The following CAMTA1 variants were observed in gnomAD, a reference collection of about 807,000 sequenced individuals.
The protein encoded by CAMTA1 is calmodulin-binding transcription activator 1.
CAMTA1 carries 27 observed loss-of-function variants against 170.9 expected under a neutral mutation model. The ratio of observed to expected loss-of-function variants is 0.16; its 90% CI spans 0.12 to 0.22. The LOEUF is 0.22. Ranked by LOEUF, CAMTA1 falls within the 10% of genes least tolerant of loss-of-function variation. The pLI is 1.00. For missense variants in CAMTA1, 1,619 were observed against 2,217.2 expected, an observed-to-expected ratio of 0.73 and a Z score of 5.42; for synonymous variants, 833 against 891.5, an observed-to-expected ratio of 0.93 and a Z score of 1.17.
intron 11 of CAMTA1, among the ~76,000 whole-genome samples, chr1:7,702,655 T>C (rs2096454275): frequency 6.6e-6 from 1 of 152,236 alleles, no homozygotes; most frequent in Non-Finnish European, 1.5e-5. Flanking sequence ...AGGGCTGTCC[T>C]GCTCTTAGTG....
intron 6 of CAMTA1, among the ~76,000 whole-genome samples, chr1:7,577,068 CAGT>C (rs1289123918): frequency 6.6e-6 from 1 of 152,216 alleles, no homozygotes; most frequent in Admixed American, 6.5e-5. Context: ...CCAAGGGACT[CAGT>C]AGCCTGGGCT....
intron 3 of CAMTA1, among the ~76,000 whole-genome samples, chr1:6,898,170 A>T (rs1247473452): frequency 1.3e-5 from 2 of 152,206 alleles, no homozygotes; most frequent in Non-Finnish European, 2.9e-5. Flanking sequence ...TTAAAATTGT[A>T]ATGTGTCCTG....
intron 12 of CAMTA1, among the ~76,000 whole-genome samples, chr1:7,735,798 G>T (rs2096767860): frequency 6.6e-6 from 1 of 152,016 alleles, no homozygotes. Context: ...TTGAGACAAG[G>T]TCTTGCTCTG....
chr1:7,434,265 C>A (rs945315658), intron 5 of CAMTA1, among the ~76,000 whole-genome samples: 25 of 152,202 alleles, frequency 1.6e-4, no homozygotes, highest in Admixed American at 2.6e-4. Flanking sequence ...TCACCCTGTG[C>A]AAAAAATTGC....
intron 3 of CAMTA1, among the ~76,000 whole-genome samples, chr1:7,069,933 C>A (rs1638384662): frequency 6.6e-6 from 1 of 152,220 alleles, no homozygotes; most frequent in Admixed American, 6.5e-5. Flanking sequence ...AAGCCCGGCA[C>A]CAGCGTGAGG....
rs2094748390 is a variant in CAMTA1, at chr1:7,548,734, GGAGGTGCCCTTGCAGGGT to G, written c.510+80834_510+80851del. On this transcript the variant is annotated intron_variant, in intron 6 of 22. Coordinates refer to ENST00000303635, the MANE Select transcript of CAMTA1 (RefSeq NM_015215.4). The stretch of plus-strand genomic sequence containing the variant: ...CCATGGAGGGTGCCTCCTTAGGGGT[GGAGGTGCCCTTGCAGGGT>G]TCCTCTTAGAGGTGGAGATGCCCAT... Among the ~76,000 whole-genome samples the G allele has an allele frequency of 3.8e-5, 4 of 106,488 alleles. 1 individual carries two copies. The highest frequency in any genetic ancestry group is 6.6e-5 in the Non-Finnish European group (3 of 45,246). The allele number at this position is 106,488 out of a possible 152,430, so 69.9% of individuals were successfully genotyped here.
intron 6 of CAMTA1, among the ~76,000 whole-genome samples, chr1:7,627,461 C>G (rs67944435): frequency 0.23 from 34,479 of 152,146 alleles, 5,638 homozygotes; most frequent in African/African-American, 0.47. Context: ...ATACCTGGCC[C>G]TTCTGAAGGT....
chr1:7,668,388 AACACAC>A (rs779206499), intron 9 of CAMTA1, among the ~76,000 whole-genome samples: 163 of 101,474 alleles, frequency 1.6e-3, no homozygotes, highest in South Asian at 4.9e-3. Flanking sequence ...GCTGGTCACC[AACACAC>A]ACACACACAC....
intron 5 of CAMTA1, among the ~76,000 whole-genome samples, chr1:7,274,325 A>C (rs1385652930): frequency 6.6e-6 from 1 of 152,194 alleles, no homozygotes; most frequent in East Asian, 1.9e-4. Flanking sequence ...GATCAAGCAG[A>C]GTAGACTTCA....
At chr1:7,309,921 C>T (rs12081411) in intron 5 of CAMTA1, among the ~76,000 whole-genome samples, 7,482 of 151,832 alleles carry the variant, frequency 0.049, 621 homozygotes, top group African/African-American at 0.17. Context: ...ATAATTTTTG[C>T]TTTCAACCAT....
At chr1:7,658,705 C>T (rs2095927390) in intron 7 of CAMTA1, among the ~76,000 whole-genome samples, 1 of 152,232 alleles carries the variant, frequency 6.6e-6, no homozygotes, top group South Asian at 2.1e-4. Flanking sequence ...TTGCCTCCAC[C>T]AGGTCCTTTC....
chr1:7,551,556 G>A (rs184974681), intron 6 of CAMTA1, among the ~76,000 whole-genome samples: 3 of 152,216 alleles, frequency 2.0e-5, no homozygotes, highest in South Asian at 2.1e-4. Flanking sequence ...CGTCCTCACC[G>A]CAGGCTCCCA....
intron 3 of CAMTA1, chr1:6,853,219 A>G (rs1440600956): frequency 3.3e-5 from 5 of 152,254 alleles, no homozygotes; most frequent in Non-Finnish European, 5.9e-5. Context: ...GTTGGGTAAA[A>G]TAATTATTTG....
At chr1:7,710,981 G>A (rs1194064996) in intron 11 of CAMTA1, among the ~76,000 whole-genome samples, 2 of 152,136 alleles carry the variant, frequency 1.3e-5, no homozygotes, top group South Asian at 4.1e-4. Context: ...TACACCCCTG[G>A]AGCCAAGAAT....
At chr1:7,212,716 T>C (rs1293403898) in intron 4 of CAMTA1, among the ~76,000 whole-genome samples, 3 of 152,166 alleles carry the variant, frequency 2.0e-5, no homozygotes, top group African/African-American at 4.8e-5. Context: ...GTCCCTCACC[T>C]CCGGGGTGCT....
At chr1:7,107,841 G>A (rs754760536) in intron 4 of CAMTA1, among the ~76,000 whole-genome samples, 11 of 152,174 alleles carry the variant, frequency 7.2e-5, no homozygotes, top group Non-Finnish European at 1.5e-4. Context: ...TTGAAAGCCT[G>A]TTTGTCCCAC....
At chr1:7,283,846 C>G (rs577299992) in intron 5 of CAMTA1, among the ~76,000 whole-genome samples, 41 of 152,278 alleles carry the variant, frequency 2.7e-4, no homozygotes, top group African/African-American at 9.6e-4. Flanking sequence ...GACTGCTTGC[C>G]CCAGCCTGTT....
chr1:7,218,682 C>T (rs536448588), intron 4 of CAMTA1, among the ~76,000 whole-genome samples: 1 of 152,256 alleles, frequency 6.6e-6, no homozygotes, highest in South Asian at 2.1e-4. Flanking sequence ...TGTACTTTCT[C>T]TTTCTTCAGG....
intron 19 of CAMTA1, among the ~76,000 whole-genome samples, chr1:7,750,730 G>A (rs2096890688): frequency 6.6e-6 from 1 of 152,218 alleles, no homozygotes; most frequent in Admixed American, 6.5e-5. Flanking sequence ...TTGCAACTCA[G>A]TCAGAAACTT....
Sources: allele counts gnomAD v4.1 joint callset (sites outside exome capture counted in the v4.1 genomes callset), GRCh38; gene constraint gnomAD v4.1.1; transcripts MANE v1.5; gene names NCBI Gene and HGNC (gene_info 2026-07-23, HGNC 2026-07-21).